Variants in TRIM24 observed in about 807,000 individuals in gnomAD.
TRIM24 encodes transcription intermediary factor 1-alpha.
Under a neutral mutation model 123.9 loss-of-function variants are expected in TRIM24, and 29 were observed. The observed-to-expected ratio is 0.23, with a 90% CI of 0.17 to 0.32. The LOEUF (loss-of-function observed/expected upper bound fraction) is 0.32. TRIM24 is among the 10% of genes least tolerant of loss of function. The probability of loss-of-function intolerance (pLI) is 1.00; values close to 1 mark genes in which losing one functional copy is unlikely to be tolerated. For synonymous variants in TRIM24, 456 were observed against 461.1 expected (o/e 0.99, Z 0.14); for missense variants, 932 against 1,295.3 (o/e 0.72, Z 4.31).
chr7:138,578,868 A>T (rs1158018118), intron 14 of TRIM24, among the ~76,000 whole-genome samples: 1 of 152,056 alleles, frequency 6.6e-6, no homozygotes, highest in African/African-American at 2.4e-5. Flanking sequence ...GTTTAGATTC[A>T]TCTTATAATT....
chr7:138,584,040 T>C, intron 18 of TRIM24, 41 bp downstream of exon 18: 2 of 1,561,262 alleles, frequency 1.3e-6, no homozygotes, highest in East Asian at 2.3e-5. Flanking sequence ...GGAACAGCAG[T>C]GTGAAAATCA....
At chr7:138,569,034 C>T (rs971969320) in intron 10 of TRIM24, among the ~76,000 whole-genome samples, 13 of 152,114 alleles carry the variant, frequency 8.5e-5, no homozygotes, top group African/African-American at 2.7e-4. Context: ...ATTATTTCAT[C>T]ATTAGAAGGA....
At chr7:138,513,786 C>T (rs764593200) in intron 2 of TRIM24, among the ~76,000 whole-genome samples, 1 of 152,228 alleles carries the variant, frequency 6.6e-6, no homozygotes, top group Non-Finnish European at 1.5e-5. Flanking sequence ...TACACACACA[C>T]ACTTTTCCTG....
chr7:138,495,397 CT>C (rs1795882032), intron 1 of TRIM24, among the ~76,000 whole-genome samples: 1 of 152,026 alleles, frequency 6.6e-6, no homozygotes, highest in Admixed American at 6.6e-5. Flanking sequence ...GCATCTTAGT[CT>C]TTAAGAATAT....
intron 2 of TRIM24, among the ~76,000 whole-genome samples, chr7:138,505,040 C>T (rs967868241): frequency 6.6e-6 from 1 of 152,140 alleles, no homozygotes. Flanking sequence ...GGATTATAGG[C>T]GTGAGCCACC....
intron 1 of TRIM24, among the ~76,000 whole-genome samples, chr7:138,488,767 A>C (rs1166139567): frequency 6.6e-6 from 1 of 152,192 alleles, no homozygotes; most frequent in East Asian, 1.9e-4. Context: ...TTTACTTCCA[A>C]CTATGTGGTC....
At chr7:138,464,394 A>C (rs1795086429) in intron 1 of TRIM24, among the ~76,000 whole-genome samples, 1 of 151,956 alleles carries the variant, frequency 6.6e-6, no homozygotes. Context: ...CAAGTCAAGT[A>C]ATATCTATTA....
At chr7:138,530,725 C>T (rs1796714499) in intron 6 of TRIM24, among the ~76,000 whole-genome samples, 1 of 151,898 alleles carries the variant, frequency 6.6e-6, no homozygotes, top group Admixed American at 6.6e-5. Flanking sequence ...GCCTCAGCCT[C>T]CCAAAGTACT....
At chr7:138,488,383 C>T in intron 1 of TRIM24, among the ~76,000 whole-genome samples, 1 of 151,728 alleles carries the variant, frequency 6.6e-6, no homozygotes, top group East Asian at 1.9e-4. Context: ...TTCTTGCCTT[C>T]TGCTAGCTTT....
chr7:138,463,831 A>G (rs553212367), intron 1 of TRIM24, among the ~76,000 whole-genome samples: 1 of 152,110 alleles, frequency 6.6e-6, no homozygotes, highest in East Asian at 1.9e-4. Context: ...ACTAGGAAAA[A>G]CGTTTTAACA....
chr7:138,557,826 A>G (rs1265827617), intron 9 of TRIM24, among the ~76,000 whole-genome samples: 1 of 152,154 alleles, frequency 6.6e-6, no homozygotes, highest in Middle Eastern at 3.2e-3. Flanking sequence ...CAGCGACATT[A>G]GTCATGATTT....
intron 4 of TRIM24, among the ~76,000 whole-genome samples, chr7:138,520,089 G>A (rs996826904): frequency 6.6e-6 from 1 of 152,190 alleles, no homozygotes; most frequent in African/African-American, 2.4e-5. Flanking sequence ...ACAGGATTGG[G>A]TTGGAGTTGG....
At chr7:138,507,071 G>T (rs1213695397) in intron 2 of TRIM24, among the ~76,000 whole-genome samples, 3 of 152,128 alleles carry the variant, frequency 2.0e-5, no homozygotes, top group Non-Finnish European at 4.4e-5. Context: ...GGTTTTGAAT[G>T]GGATTGAGTT....
In TRIM24 at chr7:138,581,677, T is replaced by TA; in HGVS notation, c.2719-20_2719-19insA. 1 of 1,585,230 alleles carries TA rather than the reference T, an allele frequency of 6.3e-7. No individual in the cohort carries two copies. The highest frequency in any genetic ancestry group is 8.6e-7 in the Non-Finnish European group (1 of 1,159,368). On this transcript the variant is annotated intron_variant, in intron 16 of 18. Coordinates refer to ENST00000343526, the MANE Select transcript of TRIM24 (RefSeq NM_015905.3). ...TTGTTTTATAATATTTTATCTCAGT[T>TA]TTTATTTATTTTTGCTTAGAAGTGT...
chr7:138,490,083 C>T (rs1283831808), intron 1 of TRIM24, among the ~76,000 whole-genome samples: 5 of 152,124 alleles, frequency 3.3e-5, no homozygotes, highest in Admixed American at 6.6e-5. Flanking sequence ...CTTCTCTTCT[C>T]GCTTCATTTC....
rs1013473329 is a variant in TRIM24 at position 138,460,447 on chromosome 7, C to G, written c.-102C>G. 2 of 1,185,670 alleles carry G rather than the reference C, an allele frequency of 1.7e-6. No homozygotes were observed. The highest frequency in any genetic ancestry group is 1.6e-5 in the African/African-American group (1 of 62,926). 73.4% of individuals were successfully genotyped at this position (1,185,670 alleles called of 1,614,324 possible). ...CTCGCTGGCGCTGCCGCGAGTCCAC[C>G]GAGCGGCCTCTGAGGAGCAGCCGCA... On this transcript the variant is annotated 5_prime_UTR_variant, in exon 1 of 19. Transcript: ENST00000343526.
At chr7:138,567,229 A>G (rs1268257513) in intron 9 of TRIM24, among the ~76,000 whole-genome samples, 1 of 152,168 alleles carries the variant, frequency 6.6e-6, no homozygotes, top group Non-Finnish European at 1.5e-5. Flanking sequence ...TTCTGGTACA[A>G]TCTACTTACA....
intron 11 of TRIM24, 39 bp downstream of exon 11, chr7:138,571,042 A>AC (rs1563064662): frequency 6.2e-7 from 1 of 1,605,624 alleles, no homozygotes; most frequent in Non-Finnish European, 8.5e-7. Flanking sequence ...TCTGTTGAAA[A>AC]CTGTTGGCCG....
chr7:138,523,750 CAA>C (rs756103684), intron 4 of TRIM24, among the ~76,000 whole-genome samples: 3 of 57,226 alleles, frequency 5.2e-5, no homozygotes, highest in Non-Finnish European at 6.6e-5. Flanking sequence ...GACTCCGTCT[CAA>C]AAAAAAAAAA....
Sources: allele counts gnomAD v4.1 joint callset (sites outside exome capture counted in the v4.1 genomes callset), GRCh38; gene constraint gnomAD v4.1.1; transcripts MANE v1.5; gene names NCBI Gene and HGNC (gene_info 2026-07-23, HGNC 2026-07-21).